The following PPP4R4 variants were observed in gnomAD, a reference collection of about 807,000 sequenced individuals.
PPP4R4 encodes the protein protein phosphatase 4 regulatory subunit 4.
Under a neutral mutation model 121.8 loss-of-function variants are expected in PPP4R4, and 70 were observed. The ratio of observed to expected loss-of-function variants is 0.57; its 90% confidence interval spans 0.47 to 0.70. PPP4R4 has a LOEUF of 0.70. Ranked by LOEUF, PPP4R4 falls within the 30% of genes least tolerant of loss-of-function variation. The pLI is 0.00. For missense variants in PPP4R4, 875 were observed against 1,033.6 expected, an observed-to-expected ratio of 0.85 and a Z score of 2.10; for synonymous variants, 348 against 355.7, an observed-to-expected ratio of 0.98 and a Z score of 0.24.
intron 3 of PPP4R4, among the ~76,000 whole-genome samples, chr14:94,221,486 C>T (rs1891386749): frequency 6.6e-6 from 1 of 152,014 alleles, no homozygotes; most frequent in South Asian, 2.1e-4. Context: ...TAAAGAACTT[C>T]TCAAAACACA....
chr14:94,191,071 A>G (rs1255204847), intron 2 of PPP4R4, among the ~76,000 whole-genome samples: 1 of 152,218 alleles, frequency 6.6e-6, no homozygotes, highest in Non-Finnish European at 1.5e-5. Flanking sequence ...GCAGTATAAT[A>G]TGGAACAAAT....
chr14:94,183,680 G>A (rs1889110075), intron 2 of PPP4R4, among the ~76,000 whole-genome samples: 1 of 152,104 alleles, frequency 6.6e-6, no homozygotes, highest in South Asian at 2.1e-4. Context: ...AAAATAAAAA[G>A]TGAAATATTT....
chr14:94,243,966 C>T (rs1422173169), intron 11 of PPP4R4, among the ~76,000 whole-genome samples: 3 of 144,448 alleles, frequency 2.1e-5, no homozygotes, highest in South Asian at 4.5e-4. Context: ...CTTTCTTTAT[C>T]CAGGGACCAT....
intron 21 of PPP4R4, 75 bp downstream of exon 21, chr14:94,265,548 A>G (rs1001068967): frequency 1.5e-5 from 18 of 1,233,118 alleles, no homozygotes; most frequent in South Asian, 8.7e-5. Flanking sequence ...AAGTCACTCT[A>G]TTAGATGAGA....
chr14:94,240,796 G>T lies in PPP4R4; in HGVS notation c.976+1G>T. The T allele has an allele frequency of 6.4e-7, 1 of 1,560,268 alleles. No individual in the cohort carries two copies. Among genetic ancestry groups the T allele is most frequent in the Non-Finnish European group, 8.6e-7 (1 of 1,159,306 alleles). On this transcript the variant is annotated splice_donor_variant, in intron 9 of 24. Coordinates refer to ENST00000304338, the MANE Select transcript of PPP4R4 (RefSeq NM_058237.2). LOFTEE classifies it high-confidence loss of function. ...GGAAAACTATGTCATGGACTATATG[G>T]TATGATATATCCTAAGAATTTTGAG... is the stretch of plus-strand genomic sequence containing the variant.
chr14:94,204,862 A>G (rs187199988), intron 2 of PPP4R4, among the ~76,000 whole-genome samples: 1 of 152,182 alleles, frequency 6.6e-6, no homozygotes, highest in Admixed American at 6.5e-5. Context: ...CTTTTGTCAC[A>G]TGTTTTTTCT....
chr14:94,223,152 T>A (rs1891507216), intron 3 of PPP4R4, among the ~76,000 whole-genome samples: 2 of 152,202 alleles, frequency 1.3e-5, no homozygotes. Context: ...CATGTATGTA[T>A]CATATAGCAC....
chr14:94,238,815 C>T lies in PPP4R4; in HGVS notation c.853+1129C>T, dbSNP rs373123854. 5.3e-5 allele frequency among the ~76,000 whole-genome samples: 8 copies of T among 152,246 alleles called. No individual in the cohort carries two copies. The East Asian group carries it at 7.7e-4, about 15-fold the overall frequency. ...CTCTTAAAGATTATTGCAATATGGA[C>T]AATAATTGTGTTTGGAAATTCCAGA... On this transcript the variant is annotated intron_variant, in intron 8 of 24. Transcript: ENST00000304338.
intron 19 of PPP4R4, among the ~76,000 whole-genome samples, chr14:94,264,662 T>A (rs1308557923): frequency 6.6e-6 from 1 of 152,348 alleles, no homozygotes. Flanking sequence ...CTCATTGTTT[T>A]AGCTTGACAA....
intron 3 of PPP4R4, among the ~76,000 whole-genome samples, chr14:94,220,995 A>G (rs1033808727): frequency 1.3e-5 from 2 of 152,172 alleles, no homozygotes; most frequent in Admixed American, 6.5e-5. Flanking sequence ...AAGACATAAT[A>G]TATAGCCACA....
intron 2 of PPP4R4, among the ~76,000 whole-genome samples, chr14:94,206,865 C>T (rs754902424): frequency 1.3e-5 from 2 of 151,970 alleles, no homozygotes; most frequent in Non-Finnish European, 2.9e-5. Context: ...GAAATTTATT[C>T]TGTCACAGTT....
chr14:94,192,816 C>T (rs1320774579), intron 2 of PPP4R4, among the ~76,000 whole-genome samples: 2 of 152,094 alleles, frequency 1.3e-5, no homozygotes, highest in Non-Finnish European at 2.9e-5. Context: ...GGTGTCCAGG[C>T]TAGGAAAAGA....
chr14:94,237,721 CAG>C lies in PPP4R4; in HGVS notation c.853+36_853+37del, dbSNP rs777535933. 260 of 1,595,922 alleles carry C rather than the reference CAG, an allele frequency of 1.6e-4. 1 individual carries two copies. In the East Asian group the frequency reaches 5.7e-3, roughly 35 times the overall value. ...GTGGCTACATCTTTGCTTCTGAAAA[CAG>C]TGTTTTTCTACATGTTTTATGTCAC... On this transcript the variant is annotated intron_variant, in intron 8 of 24. Coordinates refer to ENST00000304338, the MANE Select transcript of PPP4R4 (RefSeq NM_058237.2).
intron 23 of PPP4R4, among the ~76,000 whole-genome samples, chr14:94,273,174 G>A (rs1024953086): frequency 7.2e-5 from 11 of 152,084 alleles, no homozygotes; most frequent in Admixed American, 3.3e-4. Context: ...ACATCCACAC[G>A]AAAATCTGAG....
At chr14:94,175,679 G>T in intron 1 of PPP4R4, 1 of 196,924 alleles carries the variant, frequency 5.1e-6, no homozygotes, top group East Asian at 1.2e-4. Flanking sequence ...GCATTTCTTG[G>T]GGTGGAAAAT....
intron 19 of PPP4R4, among the ~76,000 whole-genome samples, chr14:94,263,920 T>C (rs1239868350): frequency 6.6e-6 from 1 of 152,194 alleles, no homozygotes; most frequent in Non-Finnish European, 1.5e-5. Context: ...GAATATTTAT[T>C]CTCCACTTGT....
chr14:94,218,130 CAT>C (rs1383017801), intron 3 of PPP4R4, among the ~76,000 whole-genome samples: 1 of 152,016 alleles, frequency 6.6e-6, no homozygotes, highest in Non-Finnish European at 1.5e-5. Context: ...CAAACTGAAA[CAT>C]AGAGATAGAA....
Position 94,275,497 on chromosome 14 carries a change from A to T in PPP4R4, c.2573A>T (p.Asp858Val). ...SVDPKSSGSK[D>V]TQPRKATLKS... ...GACCCCAAGAGCAGTGGAAGTAAAG[A>T]TACACAACCACGGAAGGCTACCTTG... The change falls in exon 24 of 25, where the codon GAT becomes GTT. Residue 858 changes from aspartate (D) to valine (V), a missense_variant. Asp to Val is a radical substitution (Grantham distance 152). Transcript: ENST00000304338. 6.2e-7 allele frequency: 1 copy of T among 1,614,102 alleles called. No individual in the cohort carries two copies. Among genetic ancestry groups the T allele is most frequent in the Non-Finnish European group, 8.5e-7 (1 of 1,179,976 alleles).
chr14:94,252,069 C>T (rs1893213223), intron 16 of PPP4R4, among the ~76,000 whole-genome samples, 173 bp downstream of exon 16: 1 of 152,130 alleles, frequency 6.6e-6, no homozygotes, highest in Non-Finnish European at 1.5e-5. Flanking sequence ...TGGAAGCATA[C>T]TCTTTCAACA....
Sources: gnomAD v4.1 joint callset for allele counts (sites outside exome capture counted in the v4.1 genomes callset) on GRCh38, gnomAD v4.1.1 for gene constraint, MANE v1.5 for transcripts, NCBI Gene and HGNC (gene_info 2026-07-23, HGNC 2026-07-21) for gene names.